The following PRKG1 variants were observed in gnomAD, a reference collection of about 807,000 sequenced individuals.
The protein encoded by PRKG1 is cGMP-dependent protein kinase 1.
Under a neutral mutation model 88.1 loss-of-function variants are expected in PRKG1, and 35 were observed. The ratio of observed to expected loss-of-function variants is 0.40; its 90% confidence interval spans 0.30 to 0.53. The LOEUF is 0.53. PRKG1 is among the 20% of genes least tolerant of loss of function. The pLI, the probability that PRKG1 is intolerant of heterozygous loss-of-function variation, is 0.59. For missense variants in PRKG1, 540 were observed against 839.8 expected, an observed-to-expected ratio of 0.64 and a Z score of 4.41; for synonymous variants, 303 against 292.5, an observed-to-expected ratio of 1.04 and a Z score of -0.37.
At chr10:52,081,266 G>A (rs1344791412) in intron 7 of PRKG1, among the ~76,000 whole-genome samples, 2 of 152,148 alleles carry the variant, frequency 1.3e-5, no homozygotes, top group African/African-American at 2.4e-5. Flanking sequence ...TTGAATTTCT[G>A]ATTTCTGATT....
intron 2 of PRKG1, among the ~76,000 whole-genome samples, chr10:51,269,713 CG>C (rs983154892): frequency 3.5e-4 from 53 of 152,068 alleles, no homozygotes; most frequent in African/African-American, 1.2e-3. Context: ...GGGACTCAGG[CG>C]GAAGTGTTGG....
At chr10:51,013,369 G>C (rs1255124464) in intron 1 of PRKG1, among the ~76,000 whole-genome samples, 1 of 152,064 alleles carries the variant, frequency 6.6e-6, no homozygotes, top group East Asian at 1.9e-4. Flanking sequence ...GCCATTGAAG[G>C]GCTTTTCAGT....
intron 5 of PRKG1, among the ~76,000 whole-genome samples, chr10:51,932,194 G>A (rs1371140197): frequency 6.9e-6 from 1 of 145,218 alleles, no homozygotes; most frequent in Non-Finnish European, 1.5e-5. Context: ...GAATTGGTTT[G>A]GTGTTTTTTT....
At chr10:51,410,653 C>T (rs1401253042) in intron 2 of PRKG1, among the ~76,000 whole-genome samples, 1 of 152,032 alleles carries the variant, frequency 6.6e-6, no homozygotes, top group African/African-American at 2.4e-5. Flanking sequence ...TCCAGTTGCT[C>T]ATTATTAATC....
chr10:51,006,291 G>T (rs1352988064), intron 1 of PRKG1, among the ~76,000 whole-genome samples: 1 of 152,230 alleles, frequency 6.6e-6, no homozygotes, highest in East Asian at 1.9e-4. Context: ...CTAACCTGAC[G>T]TTATCATGCA....
chr10:51,279,148 T>A (rs991051876), intron 2 of PRKG1, among the ~76,000 whole-genome samples: 4 of 152,230 alleles, frequency 2.6e-5, no homozygotes, highest in African/African-American at 9.6e-5. Context: ...GATTCTGGTA[T>A]GTTGTGTCTT....
At chr10:51,297,660 T>A (rs1840755725) in intron 2 of PRKG1, among the ~76,000 whole-genome samples, 1 of 152,126 alleles carries the variant, frequency 6.6e-6, no homozygotes, top group South Asian at 2.1e-4. Flanking sequence ...ATGGTAGAAC[T>A]TTTGTTCCAC....
chr10:50,991,541 G>C lies in PRKG1; in HGVS notation c.163G>C (p.Gly55Arg), dbSNP rs745828304. The stretch of plus-strand genomic sequence containing the variant: ...GCTCCCAGTGCCCTCGACCCACATC[G>C]GCCCCCGGACCACCCGGGCGCAGGG... The change falls in exon 1 of 18, where the codon GGC (glycine) becomes CGC (arginine). Residue 55 changes from glycine (G) to arginine (R), a missense_variant. By Grantham distance (125) the Gly-to-Arg change is moderately radical. Transcript: ENST00000401604. This position sits in a 1 kb window ranked among gnomAD's most constrained non-coding sequence, Gnocchi z 4.5. 7 of 1,610,110 alleles carry C rather than the reference G, an allele frequency of 4.3e-6. No homozygotes were observed. In the South Asian group the frequency reaches 4.4e-5, roughly 10 times the overall value.
At chr10:52,204,072 G>GGTT (rs1477934334) in intron 9 of PRKG1, among the ~76,000 whole-genome samples, 1 of 84,750 alleles carries the variant, frequency 1.2e-5, no homozygotes, top group Non-Finnish European at 2.3e-5. Context: ...GTTGTTCGCT[G>GGTT]GTTATTATTA....
At chr10:51,728,656 T>G (rs1842199547) in intron 3 of PRKG1, among the ~76,000 whole-genome samples, 1 of 152,088 alleles carries the variant, frequency 6.6e-6, no homozygotes. Context: ...TAAAAAGTGT[T>G]ATATAAGTAT....
intron 9 of PRKG1, among the ~76,000 whole-genome samples, chr10:52,195,312 G>T (rs943532897): frequency 2.6e-5 from 4 of 151,564 alleles, no homozygotes; most frequent in African/African-American, 9.7e-5. Context: ...TGTTGCTTTT[G>T]AGCATAGCTA....
chr10:51,536,307 G>C (rs966602012), intron 3 of PRKG1, among the ~76,000 whole-genome samples: 3 of 151,958 alleles, frequency 2.0e-5, no homozygotes, highest in African/African-American at 7.3e-5. Flanking sequence ...GATACTGAAT[G>C]TTTTTTTATG....
intron 3 of PRKG1, among the ~76,000 whole-genome samples, chr10:51,502,110 A>G (rs1196767749): frequency 6.6e-6 from 1 of 152,186 alleles, no homozygotes; most frequent in Non-Finnish European, 1.5e-5. Context: ...GGAATATTTA[A>G]TGTCTGAATC....
chr10:51,631,722 C>T (rs1011147137), intron 3 of PRKG1, among the ~76,000 whole-genome samples: 23 of 152,300 alleles, frequency 1.5e-4, no homozygotes, highest in African/African-American at 7.2e-5. Flanking sequence ...TTCACAATAG[C>T]GTTCGCGCTC....
chr10:51,068,426 A>C (rs552922326), intron 1 of PRKG1: 2 of 152,020 alleles, frequency 1.3e-5, no homozygotes, highest in Non-Finnish European at 2.9e-5. Context: ...ACTAATAAAA[A>C]TTCAATTCAC....
chr10:51,816,586 T>C (rs959184187), intron 4 of PRKG1, among the ~76,000 whole-genome samples: 1 of 149,328 alleles, frequency 6.7e-6, no homozygotes, highest in South Asian at 2.1e-4. Flanking sequence ...CATCCATCCA[T>C]AGTTAAATCT....
intron 9 of PRKG1, among the ~76,000 whole-genome samples, chr10:52,228,542 G>A (rs1462807185): frequency 6.6e-6 from 1 of 152,192 alleles, no homozygotes; most frequent in Non-Finnish European, 1.5e-5. Context: ...GGTTCTTAAT[G>A]CTCTTCTATG....
intron 3 of PRKG1, among the ~76,000 whole-genome samples, chr10:51,558,809 ATC>A (rs989523598): frequency 5.9e-5 from 9 of 152,094 alleles, no homozygotes; most frequent in Non-Finnish European, 1.3e-4. Flanking sequence ...GTAGATAAAA[ATC>A]TCTGTCTTGT....
intron 4 of PRKG1, among the ~76,000 whole-genome samples, chr10:51,892,767 T>C (rs1324698831): frequency 6.6e-6 from 1 of 152,192 alleles, no homozygotes; most frequent in Non-Finnish European, 1.5e-5. Flanking sequence ...TGAAGATGTG[T>C]GCTGTCCCAA....
Sources: gnomAD v4.1 joint callset for allele counts (sites outside exome capture counted in the v4.1 genomes callset) on GRCh38, gnomAD v4.1.1 for gene constraint, Gnocchi (gnomAD v3.1) non-coding constraint, MANE v1.5 for transcripts, NCBI Gene and HGNC (gene_info 2026-07-23, HGNC 2026-07-21) for gene names.